The following NTN1 variants were observed in gnomAD, a reference collection of about 807,000 sequenced individuals.
The protein encoded by NTN1 is netrin 1.
NTN1 carries 11 observed loss-of-function variants against 54.2 expected under a neutral mutation model. The ratio of observed to expected loss-of-function variants is 0.20; its 90% CI spans 0.13 to 0.34. NTN1 has a LOEUF of 0.34. Ranked by LOEUF, NTN1 falls within the 10% of genes least tolerant of loss-of-function variation. NTN1 has a pLI of 1.00. For missense variants in NTN1, 740 were observed against 893.1 expected (o/e 0.83, Z 2.18); for synonymous variants, 371 against 382.0 (o/e 0.97, Z 0.33).
intron 2 of NTN1, among the ~76,000 whole-genome samples, chr17:9,076,950 T>C (rs971770945): frequency 6.6e-6 from 1 of 152,132 alleles, no homozygotes; most frequent in Non-Finnish European, 1.5e-5. Flanking sequence ...CCCCTGCAGT[T>C]ATTCTAGGAA....
intron 5 of NTN1, among the ~76,000 whole-genome samples, chr17:9,213,821 C>T (rs1220679453): frequency 2.0e-5 from 3 of 152,162 alleles, no homozygotes. Flanking sequence ...TTTTTCTGTT[C>T]AGATTCCATG....
intron 5 of NTN1, among the ~76,000 whole-genome samples, chr17:9,197,268 TAC>T: frequency 6.6e-6 from 1 of 152,084 alleles, no homozygotes; most frequent in East Asian, 1.9e-4. Flanking sequence ...ATTTCCACTT[TAC>T]CACGGTCCTT....
intron 3 of NTN1, among the ~76,000 whole-genome samples, chr17:9,169,286 C>T (rs1270583873): frequency 6.6e-6 from 1 of 152,168 alleles, no homozygotes; most frequent in Non-Finnish European, 1.5e-5. Flanking sequence ...GAACTTGATA[C>T]AATAGGACAA....
Position 9,190,382 on chromosome 17 carries a change from C to T in NTN1, c.1411+7413C>T, listed in dbSNP as rs545872989. 1.8e-4 allele frequency among the ~76,000 whole-genome samples: 27 copies of T among 152,264 alleles called. No homozygotes were observed. In the Middle Eastern group the frequency reaches 0.01, roughly 58 times the overall value. ...GTCAAAATCCCAATTACATGAAACA[C>T]GATTCCTAAATTCAGCCAGAAAAAT... On this transcript the variant is annotated intron_variant, in intron 5 of 6. Transcript: ENST00000173229.
chr17:9,218,214 G>C (rs964729004), intron 5 of NTN1, among the ~76,000 whole-genome samples: 4 of 152,236 alleles, frequency 2.6e-5, no homozygotes, highest in Non-Finnish European at 5.9e-5. Flanking sequence ...CCAGGACTGG[G>C]AGCAGGAGGT....
At chr17:9,009,188 A>G in the NTN1 span, among the ~76,000 whole-genome samples, 1 of 152,162 alleles carries the variant, frequency 6.6e-6, no homozygotes, top group South Asian at 2.1e-4. Context: ...ATTCTGCTCT[A>G]CTGGGTCCTT....
intron 2 of NTN1, among the ~76,000 whole-genome samples, chr17:9,088,654 A>G (rs1239630510): frequency 2.0e-5 from 3 of 152,200 alleles, no homozygotes; most frequent in African/African-American, 4.8e-5. Context: ...ACACGTTCAC[A>G]TGCCACAGAT....
At chr17:9,089,798 T>A (rs1017816803) in intron 2 of NTN1, among the ~76,000 whole-genome samples, 1 of 152,126 alleles carries the variant, frequency 6.6e-6, no homozygotes, top group Non-Finnish European at 1.5e-5. Flanking sequence ...CTTTTTCCAG[T>A]TGGGGGTTTC....
intron 2 of NTN1, among the ~76,000 whole-genome samples, chr17:9,131,138 A>G (rs1337405216): frequency 6.6e-6 from 1 of 152,192 alleles, no homozygotes; most frequent in Non-Finnish European, 1.5e-5. Context: ...CCCTGTGTCT[A>G]CATGGCTCAC....
the NTN1 span, among the ~76,000 whole-genome samples, chr17:9,015,798 T>C: frequency 7.6e-3 from 1,155 of 151,954 alleles, 7 homozygotes; most frequent in Non-Finnish European, 0.012. Flanking sequence ...GGGCCGAGCG[T>C]GGTGGCTCAC....
chr17:9,162,179 C>A (rs1474486591), intron 2 of NTN1, among the ~76,000 whole-genome samples: 1 of 152,142 alleles, frequency 6.6e-6, no homozygotes, highest in Non-Finnish European at 1.5e-5. Flanking sequence ...TGTGCAGGCC[C>A]CAGAGTCCTC....
chr17:9,205,629 A>T (rs568239707), intron 5 of NTN1, among the ~76,000 whole-genome samples: 1 of 152,262 alleles, frequency 6.6e-6, no homozygotes, highest in African/African-American at 2.4e-5. Context: ...TCTCAGAGAG[A>T]GAGAGAGAAG....
At chr17:9,096,247 C>T (rs190626746) in intron 2 of NTN1, among the ~76,000 whole-genome samples, 25 of 151,796 alleles carry the variant, frequency 1.6e-4, no homozygotes, top group African/African-American at 4.6e-4. Context: ...TGTCATTTTC[C>T]AGTATATTTT....
chr17:9,223,556 C>CAAAAAAAAAAA (rs369166076), intron 6 of NTN1, among the ~76,000 whole-genome samples: 1 of 149,098 alleles, frequency 6.7e-6, no homozygotes, highest in Non-Finnish European at 1.5e-5. Flanking sequence ...GACTCTGTCT[C>CAAAAAAAAAAA]AAAAAAAAGA....
intron 2 of NTN1, among the ~76,000 whole-genome samples, chr17:9,048,987 C>A (rs1031473600): frequency 2.0e-5 from 3 of 152,192 alleles, no homozygotes; most frequent in African/African-American, 7.2e-5. Context: ...CATTTCTTAG[C>A]CTTTTCCTGG....
At chr17:9,056,550 G>A (rs2091980085) in intron 2 of NTN1, among the ~76,000 whole-genome samples, 1 of 152,208 alleles carries the variant, frequency 6.6e-6, no homozygotes, top group African/African-American at 2.4e-5. Context: ...AGAGTCCTGA[G>A]TTAGAGACCA....
At chr17:9,065,340 T>A (rs1053306372) in intron 2 of NTN1, among the ~76,000 whole-genome samples, 1 of 152,090 alleles carries the variant, frequency 6.6e-6, no homozygotes, top group African/African-American at 2.4e-5. Flanking sequence ...CCAGCCTGCC[T>A]CTCCTGGTTT....
chr17:9,036,465 G>A (rs901644249), intron 2 of NTN1, among the ~76,000 whole-genome samples: 2 of 139,586 alleles, frequency 1.4e-5, no homozygotes, highest in Non-Finnish European at 3.0e-5. Flanking sequence ...GTGCAATCAC[G>A]TCTCACTGCA....
At chr17:9,233,246 C>G (rs1206235624) in intron 6 of NTN1, among the ~76,000 whole-genome samples, 1 of 152,118 alleles carries the variant, frequency 6.6e-6, no homozygotes, top group African/African-American at 2.4e-5. Context: ...GAAGGGCCAG[C>G]AGCCCCCAGA....
Sources: allele counts gnomAD v4.1 joint callset (sites outside exome capture counted in the v4.1 genomes callset), GRCh38; gene constraint gnomAD v4.1.1; transcripts MANE v1.5; gene names NCBI Gene and HGNC (gene_info 2026-07-23, HGNC 2026-07-21).